The following SNCAIP variants were observed in gnomAD, a reference collection of about 807,000 sequenced individuals.
The protein encoded by SNCAIP is synphilin-1.
Under a neutral mutation model 86.7 loss-of-function variants are expected in SNCAIP, and 43 were observed. That is an observed-to-expected ratio of 0.50 (90% CI 0.39 to 0.64). The LOEUF (loss-of-function observed/expected upper bound fraction) is 0.64. SNCAIP is among the 30% of genes least tolerant of loss of function. The probability of loss-of-function intolerance (pLI) is 0.00; values close to 1 mark genes in which losing one functional copy is unlikely to be tolerated. For synonymous variants in SNCAIP, 417 were observed against 427.2 expected, an observed-to-expected ratio of 0.98 and a Z score of 0.29; for missense variants, 981 against 1,103.1, an observed-to-expected ratio of 0.89 and a Z score of 1.57.
chr5:122,412,262 TG>T (rs949081275), intron 3 of SNCAIP, among the ~76,000 whole-genome samples: 5 of 152,166 alleles, frequency 3.3e-5, no homozygotes, highest in African/African-American at 1.2e-4. Flanking sequence ...AGAGCCAAGC[TG>T]CTTTAAAAAG....
chr5:122,385,869 T>C (rs1301748571), intron 1 of SNCAIP, among the ~76,000 whole-genome samples: 4 of 152,196 alleles, frequency 2.6e-5, no homozygotes, highest in East Asian at 1.9e-4. Context: ...CCAGGCCTCA[T>C]AGTATACTGG....
intron 1 of SNCAIP, among the ~76,000 whole-genome samples, chr5:122,320,274 C>T (rs1752644909): frequency 6.6e-6 from 1 of 152,178 alleles, no homozygotes. Flanking sequence ...TTTCCGAGTA[C>T]AGTTTGCACA....
At chr5:122,313,493 T>C (rs1751073972) in intron 1 of SNCAIP, among the ~76,000 whole-genome samples, 1 of 152,266 alleles carries the variant, frequency 6.6e-6, no homozygotes. Flanking sequence ...CGTTGCTGAA[T>C]CTGTAGGAAG....
chr5:122,388,264 AT>A (rs1021141923), intron 1 of SNCAIP, among the ~76,000 whole-genome samples: 59 of 147,912 alleles, frequency 4.0e-4, no homozygotes, highest in South Asian at 2.1e-3. Flanking sequence ...AACTGATTCA[AT>A]TTTTTTTTTT....
intron 1 of SNCAIP, among the ~76,000 whole-genome samples, chr5:122,377,044 C>T (rs1351438421): frequency 2.6e-5 from 4 of 152,106 alleles, no homozygotes; most frequent in Non-Finnish European, 5.9e-5. Flanking sequence ...TTTGAAATAC[C>T]ATACTTACAA....
At chr5:122,449,252 G>A (rs898354483) in intron 8 of SNCAIP, among the ~76,000 whole-genome samples, 6 of 152,122 alleles carry the variant, frequency 3.9e-5, no homozygotes, top group African/African-American at 1.2e-4. Flanking sequence ...AATATCCCAT[G>A]TAATGTATTG....
chr5:122,371,540 G>A (rs543824671), intron 1 of SNCAIP: 2 of 149,546 alleles, frequency 1.3e-5, no homozygotes, highest in Admixed American at 1.4e-4. Context: ...AAACCTGCAT[G>A]ATTTGTATAT....
At chr5:122,437,639 G>C (rs1217864934) in intron 6 of SNCAIP, among the ~76,000 whole-genome samples, 1 of 152,116 alleles carries the variant, frequency 6.6e-6, no homozygotes, top group African/African-American at 2.4e-5. Context: ...GTCAAATAAT[G>C]GTTCTTTCTT....
At chr5:122,443,363 A>G (rs1781505727) in intron 7 of SNCAIP, among the ~76,000 whole-genome samples, 1 of 152,240 alleles carries the variant, frequency 6.6e-6, no homozygotes, top group South Asian at 2.1e-4. Context: ...GGAATCTAAT[A>G]ATATCACAGT....
intron 3 of SNCAIP, among the ~76,000 whole-genome samples, chr5:122,407,167 T>G (rs945705917): frequency 2.6e-5 from 4 of 151,996 alleles, no homozygotes; most frequent in African/African-American, 9.7e-5. Flanking sequence ...TCACCACAGA[T>G]AGAGAGAAGA....
At chr5:122,332,118 T>C (rs1002682692) in intron 1 of SNCAIP, among the ~76,000 whole-genome samples, 2 of 152,246 alleles carry the variant, frequency 1.3e-5, no homozygotes, top group African/African-American at 4.8e-5. Flanking sequence ...GATGCATCAA[T>C]AGGAAAATTT....
chr5:122,348,803 G>C (rs1468344230), intron 1 of SNCAIP, among the ~76,000 whole-genome samples: 1 of 152,098 alleles, frequency 6.6e-6, no homozygotes, highest in South Asian at 2.1e-4. Context: ...AAAATATCTG[G>C]AAAATTGATG....
At chr5:122,437,856 C>T (rs1053859296) in intron 6 of SNCAIP, among the ~76,000 whole-genome samples, 1 of 152,132 alleles carries the variant, frequency 6.6e-6, no homozygotes, top group Non-Finnish European at 1.5e-5. Context: ...CTGAAAAGTC[C>T]GAGGTCCTAG....
In SNCAIP at chr5:122,423,451, C is replaced by T. The variant is rs764747315; in HGVS notation, c.714C>T (p.Ile238=). The T allele has an allele frequency of 6.2e-7, 1 of 1,613,262 alleles. No homozygotes were observed. Among genetic ancestry groups the T allele is most frequent in the Non-Finnish European group, 8.5e-7 (1 of 1,179,754 alleles). ...QHKLSTEETE[I]SPPLVKCGSA... ...AGCTGTCCACTGAAGAAACCGAGATCTCACCTCCTCTGGTTAAATGTGGCT... is the reference window on the plus strand; with the variant it reads ...AGCTGTCCACTGAAGAAACCGAGATTTCACCTCCTCTGGTTAAATGTGGCT... The change falls in exon 4 of 11, where the codon ATC becomes ATT. Residue 238 remains isoleucine, a synonymous_variant. Transcript: ENST00000261368.
At chr5:122,324,893 C>T (rs1753701548) in intron 1 of SNCAIP, among the ~76,000 whole-genome samples, 1 of 152,122 alleles carries the variant, frequency 6.6e-6, no homozygotes, top group East Asian at 1.9e-4. Flanking sequence ...AGTCATTCCC[C>T]CTATCTCCCA....
intron 3 of SNCAIP, among the ~76,000 whole-genome samples, chr5:122,408,738 A>C (rs1270100780): frequency 6.6e-6 from 1 of 152,196 alleles, no homozygotes; most frequent in Non-Finnish European, 1.5e-5. Context: ...CTGAGAATGA[A>C]CTGCCTGTGC....
chr5:122,425,304 T>C (rs748757022), intron 4 of SNCAIP, 48 bp from the exon 5 acceptor site: 175 of 1,463,368 alleles, frequency 1.2e-4, no homozygotes, highest in Admixed American at 7.2e-4. Flanking sequence ...CTACAGGGTC[T>C]TGCTCTGATT....
chr5:122,374,000 C>T (rs1418735312), intron 1 of SNCAIP, among the ~76,000 whole-genome samples: 3 of 152,170 alleles, frequency 2.0e-5, no homozygotes. Context: ...GATCCCTTGT[C>T]TACTAACAGG....
intron 5 of SNCAIP, among the ~76,000 whole-genome samples, chr5:122,425,766 A>C (rs2242223): frequency 6.6e-6 from 1 of 152,110 alleles, no homozygotes; most frequent in Non-Finnish European, 1.5e-5. Context: ...GATATGTTGT[A>C]GTTCTAACAA....
Sources: gnomAD v4.1 joint callset for allele counts (sites outside exome capture counted in the v4.1 genomes callset) on GRCh38, gnomAD v4.1.1 for gene constraint, MANE v1.5 for transcripts, NCBI Gene and HGNC (gene_info 2026-07-23, HGNC 2026-07-21) for gene names.